The following NPAT variants were observed in gnomAD, a reference collection of about 807,000 sequenced individuals.
NPAT encodes the protein nuclear protein, coactivator of histone transcription, also known as protein NPAT.
A neutral mutation model predicts 130.7 loss-of-function variants in NPAT; 52 were observed. That is an observed-to-expected ratio of 0.40 (90% CI 0.32 to 0.50). The LOEUF is 0.50. Ranked by LOEUF, NPAT falls within the 20% of genes least tolerant of loss-of-function variation. The pLI is 0.68. For synonymous variants in NPAT, 580 were observed against 584.8 expected (o/e 0.99, Z 0.12); for missense variants, 1,687 against 1,662.6 (o/e 1.01, Z -0.26).
At chr11:108,187,468 G>A (rs1050678661) in intron 7 of NPAT, among the ~76,000 whole-genome samples, 4 of 152,002 alleles carry the variant, frequency 2.6e-5, no homozygotes, top group African/African-American at 9.7e-5. Context: ...TAAAAAAATG[G>A]ATATTGCTGT....
chr11:108,202,115 T>C (rs944520947), intron 1 of NPAT, among the ~76,000 whole-genome samples: 11 of 152,166 alleles, frequency 7.2e-5, no homozygotes, highest in Admixed American at 1.3e-4. Flanking sequence ...GCAGTTAACA[T>C]TTATACTGAT....
chr11:108,207,734 C>A (rs904565529), intron 1 of NPAT, among the ~76,000 whole-genome samples: 1 of 152,192 alleles, frequency 6.6e-6, no homozygotes, highest in African/African-American at 2.4e-5. Context: ...GCTTCCCTGG[C>A]CCCCGAGAGT....
chr11:108,183,238 T>C (rs2078074245), intron 10 of NPAT, among the ~76,000 whole-genome samples: 1 of 152,284 alleles, frequency 6.6e-6, no homozygotes, highest in Non-Finnish European at 1.5e-5. Flanking sequence ...CCTCCTGCCT[T>C]GGCCTCTCAA....
rs116159718 is a variant in NPAT at position 108,168,211 on chromosome 11, C to T, written c.3010+1533G>A. On this transcript the variant is annotated intron_variant, in intron 15 of 17. Coordinates refer to ENST00000278612, the MANE Select transcript of NPAT (RefSeq NM_002519.3). Reference sequence around the variant, plus strand: ...CCCAAAGATTTCTGGGAATAAGCCCCCAAAGAAACTCTCATATGGGTTCAC... The same window carrying T: ...CCCAAAGATTTCTGGGAATAAGCCCTCAAAGAAACTCTCATATGGGTTCAC... Among the ~76,000 whole-genome samples the T allele has an allele frequency of 8.3e-3, 1,260 of 152,104 alleles. 17 individuals carry two copies. The highest frequency in any genetic ancestry group is 0.029 in the African/African-American group (1,189 of 41,494).
intron 1 of NPAT, among the ~76,000 whole-genome samples, chr11:108,213,315 A>C (rs910182635): frequency 9.8e-5 from 15 of 152,314 alleles, no homozygotes; most frequent in African/African-American, 3.4e-4. Context: ...AGAGCTAATA[A>C]ATGACTTCGA....
Position 108,181,658 on chromosome 11 carries a change from CA to C in NPAT, c.906+3573del, listed in dbSNP as rs1328311853. The stretch of plus-strand genomic sequence containing the variant: ...GTAGGCACTTCTTTCACCAGTACCA[CA>C]ATGTGCTTGTTGTTCATTTTCCTTT... On this transcript the variant is annotated intron_variant, in intron 10 of 17. Transcript: ENST00000278612. Among the ~76,000 whole-genome samples the C allele has an allele frequency of 5.9e-5, 9 of 152,016 alleles. No homozygotes were observed. In the East Asian group the frequency reaches 1.7e-3, roughly 29 times the overall value.
rs2077975430 is a variant in NPAT, at chr11:108,173,520, G to A, written c.1464C>T (p.Asn488=). 6.2e-7 allele frequency: 1 copy of A among 1,614,150 alleles called. No individual in the cohort carries two copies. Among genetic ancestry groups the A allele is most frequent in the Non-Finnish European group, 8.5e-7 (1 of 1,180,022 alleles). ...CACTCGGTACATTTGAAGACAAAGAGTTCTTTTCAATCCCTATAGCCATTT... is the reference window on the plus strand; with the variant it reads ...CACTCGGTACATTTGAAGACAAAGAATTCTTTTCAATCCCTATAGCCATTT... ...ETEMAIGIEK[N]SLSSNVPSES... is the part of the protein sequence containing the mutation. The change falls in exon 13 of 18, where the codon AAC becomes AAT. Residue 488 remains asparagine (N), a synonymous_variant. Transcript: ENST00000278612.
rs563521881 is a variant in NPAT at position 108,161,531 on chromosome 11, T to C, written c.3555A>G (p.Lys1185=). 2.0e-5 allele frequency: 32 copies of C among 1,614,218 alleles called. No individual in the cohort carries two copies. In the East Asian group the frequency reaches 6.7e-4, roughly 34 times the overall value. The part of the protein sequence containing the change: ...VERQKNPENS[K]LSIGQQNGGL... The stretch of plus-strand genomic sequence containing the variant: ...CCCCATTTTGCTGCCCAATAGATAG[T>C]TTTGAATTTTCTGGATTTTTCTGTC... Residue 1185 remains lysine (K), a synonymous_variant, in exon 17 of 18, where the codon AAA becomes AAG. Transcript: ENST00000278612.
intron 12 of NPAT, among the ~76,000 whole-genome samples, chr11:108,174,564 TA>T (rs561166671): frequency 0.021 from 2,195 of 103,950 alleles, 27 homozygotes; most frequent in African/African-American, 0.04. Context: ...GAGAAGATCT[TA>T]AAAAAAAAAA....
chr11:108,185,556 A>T, intron 8 of NPAT, 62 bp from the exon 9 acceptor site: 1 of 1,118,798 alleles, frequency 8.9e-7, no homozygotes, highest in Non-Finnish European at 1.3e-6. Flanking sequence ...TTTAATATTT[A>T]TAAGAAAAGA....
intron 17 of NPAT, 61 bp from the exon 18 acceptor site, chr11:108,159,080 G>A (rs2077822022): frequency 1.9e-6 from 2 of 1,067,042 alleles, no homozygotes; most frequent in African/African-American, 1.6e-5. Context: ...TTCTTAGTAA[G>A]TCACCTAAAA....
chr11:108,163,333 G>A (rs1027805522), intron 15 of NPAT, among the ~76,000 whole-genome samples: 3 of 152,028 alleles, frequency 2.0e-5, no homozygotes, highest in Non-Finnish European at 2.9e-5. Flanking sequence ...TACCCTCCTC[G>A]GCTTCCCAAA....
At position 108,162,164 on chromosome 11, in the gene NPAT, A is replaced by ATTATTTAC; in HGVS notation, c.3019_3026dup (p.Asn1009LysfsTer2). ...CTGAATGACCTGACGAATCCACCAA[A>ATTATTTAC]TTATTTACTTGTTTTCCTGAAATTA... On this transcript the variant is annotated stop_gained and frameshift_variant, in exon 16 of 18. Coordinates refer to ENST00000278612, the MANE Select transcript of NPAT (RefSeq NM_002519.3). LOFTEE classifies it high-confidence loss of function. The ATTATTTAC allele has an allele frequency of 6.2e-7, 1 of 1,613,798 alleles. No homozygotes were observed. Among genetic ancestry groups the ATTATTTAC allele is most frequent in the Non-Finnish European group, 8.5e-7 (1 of 1,179,712 alleles).
At chr11:108,185,184 A>G in intron 10 of NPAT, 48 bp downstream of exon 10, 1 of 1,232,534 alleles carries the variant, frequency 8.1e-7, no homozygotes, top group Non-Finnish European at 1.2e-6. Context: ...CATCAATCTT[A>G]AGTATAAGTA....
chr11:108,190,112 C>A (rs2078152404), intron 5 of NPAT, among the ~76,000 whole-genome samples: 1 of 150,910 alleles, frequency 6.6e-6, no homozygotes, highest in Non-Finnish European at 1.5e-5. Context: ...GAGATTGAGA[C>A]CATTCTGGCT....
intron 1 of NPAT, among the ~76,000 whole-genome samples, chr11:108,214,955 G>T (rs1204402922): frequency 6.6e-6 from 1 of 152,032 alleles, no homozygotes; most frequent in Non-Finnish European, 1.5e-5. Flanking sequence ...TTTTTAATGT[G>T]TCGTATGAGG....
intron 12 of NPAT, among the ~76,000 whole-genome samples, chr11:108,174,593 A>C (rs999070833): frequency 1.4e-5 from 2 of 145,898 alleles, no homozygotes; most frequent in African/African-American, 2.6e-5. Context: ...AGAGTATGAT[A>C]TGAGTAAGGA....
intron 1 of NPAT, among the ~76,000 whole-genome samples, chr11:108,209,638 C>T (rs950165572): frequency 6.6e-6 from 1 of 152,056 alleles, no homozygotes; most frequent in African/African-American, 2.4e-5. Context: ...GCCTGTAATC[C>T]CAGCACTTTG....
At chr11:108,213,590 C>T (rs909349538) in intron 1 of NPAT, among the ~76,000 whole-genome samples, 7 of 152,130 alleles carry the variant, frequency 4.6e-5, no homozygotes, top group South Asian at 4.1e-4. Flanking sequence ...CAAAATTCAC[C>T]GATACATTCA....
Sources: gnomAD v4.1 joint callset for allele counts (sites outside exome capture counted in the v4.1 genomes callset) on GRCh38, gnomAD v4.1.1 for gene constraint, MANE v1.5 for transcripts, NCBI Gene and HGNC (gene_info 2026-07-23, HGNC 2026-07-21) for gene names.